The following SREBF2 variants were observed in gnomAD, a reference collection of about 807,000 sequenced individuals.
The protein encoded by SREBF2 is sterol regulatory element binding transcription factor 2, also known as sterol regulatory element-binding protein 2.
Under a neutral mutation model 113.1 loss-of-function variants are expected in SREBF2, and 55 were observed. That is an observed-to-expected ratio of 0.49 (90% CI 0.39 to 0.61). The LOEUF is 0.61. Among genes scored for constraint, SREBF2 ranks in the 20% least tolerant of loss-of-function variants. SREBF2 has a pLI of 0.00. For synonymous variants in SREBF2, 593 were observed against 605.7 expected (o/e 0.98, Z 0.31); for missense variants, 1,349 against 1,487.4 (o/e 0.91, Z 1.53).
chr22:41,882,704 G>C (rs1325844242), intron 10 of SREBF2, among the ~76,000 whole-genome samples: 1 of 152,176 alleles, frequency 6.6e-6, no homozygotes, highest in African/African-American at 2.4e-5. Flanking sequence ...TACTCGAGAG[G>C]CTAAGGCAGG....
intron 17 of SREBF2, 122 bp from the exon 18 acceptor site, chr22:41,904,741 G>A (rs1322198917): frequency 2.5e-6 from 2 of 815,274 alleles, no homozygotes; most frequent in African/African-American, 3.4e-5. Context: ...GGGTGAGCAA[G>A]GCAGGGTGGT....
intron 16 of SREBF2, among the ~76,000 whole-genome samples, chr22:41,901,771 T>C (rs2148420922): frequency 6.6e-6 from 1 of 152,348 alleles, no homozygotes; most frequent in Admixed American, 6.5e-5. Context: ...CTCTTCCGTA[T>C]TTGTCTTCAT....
At chr22:41,871,063 C>T (rs1421127007) in intron 4 of SREBF2, 28 bp downstream of exon 4, 2 of 1,613,740 alleles carry the variant, frequency 1.2e-6, no homozygotes, top group East Asian at 2.2e-5. Context: ...CCCCACCCTC[C>T]TCCCTCCCCC....
chr22:41,843,934 T>C (rs4269017), intron 1 of SREBF2, among the ~76,000 whole-genome samples: 52,069 of 150,328 alleles, frequency 0.35, 9,928 homozygotes, highest in Non-Finnish European at 0.44. Flanking sequence ...GAGGATCACT[T>C]GAGCCTAAGA....
chr22:41,862,948 C>G (rs753706169), intron 1 of SREBF2, among the ~76,000 whole-genome samples: 1 of 152,206 alleles, frequency 6.6e-6, no homozygotes, highest in Admixed American at 6.5e-5. Flanking sequence ...CACACTCTTA[C>G]GCTTCGTGAA....
intron 16 of SREBF2, 75 bp from the exon 17 acceptor site, chr22:41,902,895 C>G (rs978303670): frequency 6.7e-7 from 1 of 1,489,528 alleles, no homozygotes; most frequent in Non-Finnish European, 9.2e-7. Context: ...GGGGAGAGGC[C>G]TGGTAGGTGC....
rs558890712 is a variant in SREBF2, at chr22:41,893,155, C to G, written c.2247C>G (p.Pro749=). The G allele has an allele frequency of 2.5e-6, 4 of 1,614,040 alleles. No individual in the cohort carries two copies. Among genetic ancestry groups the G allele is most frequent in the Non-Finnish European group, 3.4e-6 (4 of 1,180,040 alleles). The change falls in exon 12 of 19, where the codon CCC becomes CCG. Residue 749 remains proline, a synonymous_variant. Coordinates refer to ENST00000361204, the MANE Select transcript of SREBF2 (RefSeq NM_004599.4). ...FLSRAQSLCG[P]EHSAVPDSLR... is the part of the protein sequence containing the mutation. The stretch of plus-strand genomic sequence containing the variant: ...GCCGAGCCCAGAGCCTGTGTGGCCC[C>G]GAGCACAGTGCTGTTCCTGACTCCC...
In SREBF2 at chr22:41,877,329, CCCT is replaced by C; in HGVS notation, c.1488_1490del (p.Leu497del). 1 of 1,614,180 alleles carries C rather than the reference CCCT, an allele frequency of 6.2e-7. No individual in the cohort carries two copies. Among genetic ancestry groups the C allele is most frequent in the Non-Finnish European group, 8.5e-7 (1 of 1,180,036 alleles). On this transcript the variant is annotated inframe_deletion, in exon 8 of 19. Coordinates refer to ENST00000361204, the MANE Select transcript of SREBF2 (RefSeq NM_004599.4). ...ACCTTCCTGTGCCTCTCCTTTAACCCCCTGACTTCCCTGCTGCAGTGGGGAGGG... is the reference window on the plus strand; with the variant it reads ...ACCTTCCTGTGCCTCTCCTTTAACCCGACTTCCCTGCTGCAGTGGGGAGGG...
At chr22:41,881,117 C>CG in intron 10 of SREBF2, 125 bp downstream of exon 10, 1 of 1,277,452 alleles carries the variant, frequency 7.8e-7, no homozygotes, top group Non-Finnish European at 1.1e-6. Flanking sequence ...TTTAGAGTGG[C>CG]TAGACCAAGC....
chr22:41,844,015 CAA>C (rs777891538), intron 1 of SREBF2, among the ~76,000 whole-genome samples: 5 of 93,200 alleles, frequency 5.4e-5, no homozygotes, highest in Non-Finnish European at 4.4e-5. Flanking sequence ...GACCCTGTCT[CAA>C]AAAAAAAAAA....
At chr22:41,892,275 T>A (rs550256851) in intron 11 of SREBF2, among the ~76,000 whole-genome samples, 1 of 152,326 alleles carries the variant, frequency 6.6e-6, no homozygotes, top group Non-Finnish European at 1.5e-5. Context: ...TTCTAAACTT[T>A]ACACGCAAAG....
intron 1 of SREBF2, among the ~76,000 whole-genome samples, chr22:41,840,980 T>C (rs2076825561): frequency 6.6e-6 from 1 of 152,200 alleles, no homozygotes; most frequent in Admixed American, 6.6e-5. Context: ...CAGTTTCATC[T>C]TTGGCAGAGT....
chr22:41,845,891 G>C (rs1460613007), intron 1 of SREBF2, among the ~76,000 whole-genome samples: 1 of 152,206 alleles, frequency 6.6e-6, no homozygotes, highest in Non-Finnish European at 1.5e-5. Context: ...TCTGAATGTG[G>C]AAGGTCTGGG....
intron 1 of SREBF2, among the ~76,000 whole-genome samples, chr22:41,854,336 A>G (rs1288944250): frequency 6.6e-6 from 1 of 150,824 alleles, no homozygotes; most frequent in East Asian, 2.1e-4. Flanking sequence ...TAATTTTTAT[A>G]TTTTTAGTAG....
chr22:41,876,455 A>C lies in SREBF2; in HGVS notation c.1386+731A>C, dbSNP rs1483793862. On this transcript the variant is annotated intron_variant, in intron 7 of 18. Coordinates refer to ENST00000361204, the MANE Select transcript of SREBF2 (RefSeq NM_004599.4). ...TTGGCAACAACAGGCTGTTTGACAT[A>C]TAAATTGAATTAGCTGGGCTTCTGA... is the stretch of plus-strand genomic sequence containing the variant. 4.6e-5 allele frequency among the ~76,000 whole-genome samples: 7 copies of C among 152,236 alleles called. 1 individual carries two copies.
intron 1 of SREBF2, among the ~76,000 whole-genome samples, chr22:41,835,836 G>A (rs1207801556): frequency 6.6e-6 from 1 of 152,094 alleles, no homozygotes; most frequent in Non-Finnish European, 1.5e-5. Context: ...TGTTGCCCAG[G>A]CTAGTCTTCA....
intron 11 of SREBF2, among the ~76,000 whole-genome samples, chr22:41,890,873 A>C: frequency 6.6e-6 from 1 of 151,768 alleles, no homozygotes; most frequent in Non-Finnish European, 1.5e-5. Context: ...ACACCACTGC[A>C]CTCCAGCCTG....
At chr22:41,844,065 CGT>C (rs2076856320) in intron 1 of SREBF2, among the ~76,000 whole-genome samples, 1 of 146,030 alleles carries the variant, frequency 6.8e-6, no homozygotes, top group African/African-American at 2.6e-5. Context: ...CACACACACA[CGT>C]ATATGTATAT....
intron 1 of SREBF2, among the ~76,000 whole-genome samples, chr22:41,864,252 A>G (rs1324677581): frequency 5.7e-5 from 5 of 87,858 alleles, no homozygotes; most frequent in African/African-American, 1.6e-4. Context: ...ATATATATAT[A>G]TATATATATA....
Sources: allele counts gnomAD v4.1 joint callset (sites outside exome capture counted in the v4.1 genomes callset), GRCh38; gene constraint gnomAD v4.1.1; transcripts MANE v1.5; gene names NCBI Gene and HGNC (gene_info 2026-07-23, HGNC 2026-07-21).